CREB5: variants seen among roughly 807,000 people sequenced by gnomAD.
The protein encoded by CREB5 is cyclic AMP-responsive element-binding protein 5.
Under a neutral mutation model 57.1 loss-of-function variants are expected in CREB5, and 19 were observed. The observed-to-expected ratio is 0.33, with a 90% CI of 0.23 to 0.49. The LOEUF (loss-of-function observed/expected upper bound fraction) is 0.49, where lower values mean the gene tolerates loss of function less well. Among genes scored for constraint, CREB5 ranks in the 20% least tolerant of loss-of-function variants. CREB5 has a pLI of 0.99. For synonymous variants in CREB5, 238 were observed against 238.3 expected, an observed-to-expected ratio of 1.00 and a Z score of 0.01; for missense variants, 579 against 671.6, an observed-to-expected ratio of 0.86 and a Z score of 1.52.
chr7:28,318,066 G>A (rs867133332), intron 1 of CREB5, among the ~76,000 whole-genome samples: 11 of 152,082 alleles, frequency 7.2e-5, no homozygotes, highest in Non-Finnish European at 1.3e-4. Flanking sequence ...TATATTTCTA[G>A]CCAATTGTTT....
chr7:28,701,325 C>G (rs569973016), intron 5 of CREB5, among the ~76,000 whole-genome samples: 1 of 152,266 alleles, frequency 6.6e-6, no homozygotes, highest in South Asian at 2.1e-4. Flanking sequence ...CCCAAAATCC[C>G]TCTTATTTTG....
Position 28,560,887 on chromosome 7 carries a change from C to G in CREB5, c.292-9478C>G, listed in dbSNP as rs865929287. 2.7e-3 allele frequency among the ~76,000 whole-genome samples: 36 copies of G among 13,120 alleles called. 2 individuals carry two copies. The highest frequency in any genetic ancestry group is 0.013 in the African/African-American group (36 of 2,862). 8.6% of individuals were successfully genotyped at this position (13,120 alleles called of 152,430 possible). ...GTGCCTGCGTGCGCGTGCGTGCGTG[C>G]GTGTGTGTGCGTGCGCGCGTGCGTG... On this transcript the variant is annotated intron_variant, in intron 4 of 10. Transcript: ENST00000357727.
chr7:28,433,203 A>T (rs1016168836), intron 1 of CREB5, among the ~76,000 whole-genome samples: 9 of 152,088 alleles, frequency 5.9e-5, no homozygotes, highest in African/African-American at 9.7e-5. Context: ...GTAGGTGTTG[A>T]TACATTTTGC....
intron 1 of CREB5, among the ~76,000 whole-genome samples, chr7:28,460,787 GT>G (rs1336680072): frequency 1.2e-4 from 18 of 152,134 alleles, no homozygotes; most frequent in Non-Finnish European, 2.4e-4. Context: ...TTAGTGAGGT[GT>G]CGGGGAGTTG....
intron 7 of CREB5, among the ~76,000 whole-genome samples, chr7:28,754,090 A>T (rs1226442616): frequency 1.3e-5 from 2 of 152,152 alleles, no homozygotes; most frequent in Non-Finnish European, 2.9e-5. Context: ...ATGTGCCTAA[A>T]TGAAACTTTT....
intron 1 of CREB5, among the ~76,000 whole-genome samples, chr7:28,415,048 A>G (rs905590598): frequency 2.0e-5 from 3 of 152,134 alleles, no homozygotes; most frequent in African/African-American, 7.2e-5. Context: ...CTTTAAAAAT[A>G]TGTATTTCAG....
At chr7:28,551,119 C>T (rs1174714893) in intron 4 of CREB5, among the ~76,000 whole-genome samples, 1 of 151,470 alleles carries the variant, frequency 6.6e-6, no homozygotes, top group Non-Finnish European at 1.5e-5. Context: ...AGTGCCAAGC[C>T]GATTGGTATA....
chr7:28,460,737 T>G (rs1790314507), intron 1 of CREB5, among the ~76,000 whole-genome samples: 1 of 152,134 alleles, frequency 6.6e-6, no homozygotes, highest in Non-Finnish European at 1.5e-5. Flanking sequence ...AAAGGAAGGC[T>G]GTTTTGCACG....
At chr7:28,691,577 G>A (rs1031957211) in intron 5 of CREB5, among the ~76,000 whole-genome samples, 11 of 152,084 alleles carry the variant, frequency 7.2e-5, no homozygotes, top group African/African-American at 2.4e-4. Context: ...GAGAGAAAGG[G>A]ACTTCCAAGG....
intron 4 of CREB5, among the ~76,000 whole-genome samples, chr7:28,561,418 G>GT (rs1795266728): frequency 6.6e-6 from 1 of 152,342 alleles, no homozygotes; most frequent in East Asian, 1.9e-4. Context: ...AGCATTGATA[G>GT]TAATGATGAT....
In CREB5 at chr7:28,561,035, T is replaced by TGCGTGCGTGTGC. The variant is rs1562798715; in HGVS notation, c.292-9329_292-9328insCGTGCGTGTGCG. On this transcript the variant is annotated intron_variant, in intron 4 of 10. Transcript: ENST00000357727. ...GTGTGTGCGTGTGTGCGTGTGTGTG[T>TGCGTGCGTGTGC]GTGTGTGTGAAGGTATTTTTCAGAT... Among the ~76,000 whole-genome samples, 21 of 87,766 alleles carry TGCGTGCGTGTGC rather than the reference T, an allele frequency of 2.4e-4. 3 individuals are homozygous for TGCGTGCGTGTGC. Among genetic ancestry groups the TGCGTGCGTGTGC allele is most frequent in the African/African-American group, 7.1e-4 (19 of 26,922 alleles). 57.6% of individuals were successfully genotyped at this position (87,766 alleles called of 152,430 possible).
chr7:28,524,038 G>A (rs1793320239), intron 4 of CREB5, among the ~76,000 whole-genome samples: 1 of 152,188 alleles, frequency 6.6e-6, no homozygotes, highest in Non-Finnish European at 1.5e-5. Flanking sequence ...TGGAATGAGT[G>A]AATGAATGAA....
At chr7:28,376,443 T>C (rs1786829513) in intron 1 of CREB5, among the ~76,000 whole-genome samples, 2 of 152,066 alleles carry the variant, frequency 1.3e-5, no homozygotes, top group African/African-American at 4.8e-5. Context: ...TAATGTTTTG[T>C]ATTTTTAGTA....
intron 7 of CREB5, among the ~76,000 whole-genome samples, chr7:28,752,745 A>G (rs1805055857): frequency 1.3e-5 from 2 of 152,144 alleles, no homozygotes; most frequent in Admixed American, 6.5e-5. Flanking sequence ...CTCTTTTAGG[A>G]CAATGTTTGT....
intron 1 of CREB5, among the ~76,000 whole-genome samples, chr7:28,399,203 G>T (rs528650655): frequency 1.2e-3 from 175 of 151,956 alleles, no homozygotes; most frequent in African/African-American, 4.1e-3. Context: ...ATAACAAAAA[G>T]TTGACTATAT....
At chr7:28,692,490 A>G (rs1490995514) in intron 5 of CREB5, among the ~76,000 whole-genome samples, 1 of 152,202 alleles carries the variant, frequency 6.6e-6, no homozygotes, top group Non-Finnish European at 1.5e-5. Context: ...TGAAAAGAGC[A>G]TGGCCTTTGG....
chr7:28,809,149 C>A, intron 8 of CREB5, 38 bp from the exon 9 acceptor site: 2 of 1,570,160 alleles, frequency 1.3e-6, no homozygotes, highest in Admixed American at 1.8e-5. Flanking sequence ...CCACGTCCTT[C>A]CCTATCCCCA....
chr7:28,450,337 A>G (rs1984714), intron 1 of CREB5, among the ~76,000 whole-genome samples: 4,123 of 152,312 alleles, frequency 0.027, 188 homozygotes, highest in African/African-American at 0.093. Flanking sequence ...CACTAGAAAC[A>G]GCTGGTGAAG....
At chr7:28,589,045 T>C (rs776612366) in intron 5 of CREB5, among the ~76,000 whole-genome samples, 2 of 152,178 alleles carry the variant, frequency 1.3e-5, no homozygotes, top group African/African-American at 2.4e-5. Flanking sequence ...CACTTTTCCT[T>C]GACATTCTAC....
Sources: allele counts gnomAD v4.1 joint callset (sites outside exome capture counted in the v4.1 genomes callset), GRCh38; gene constraint gnomAD v4.1.1; transcripts MANE v1.5; gene names NCBI Gene and HGNC (gene_info 2026-07-23, HGNC 2026-07-21).